The following WDR76 variants were observed in gnomAD, a reference collection of about 807,000 sequenced individuals.
WDR76 encodes the protein WD repeat domain 76.
Under a neutral mutation model 70.2 loss-of-function variants are expected in WDR76, and 52 were observed. The ratio of observed to expected loss-of-function variants is 0.74; its 90% CI spans 0.59 to 0.93. The LOEUF (loss-of-function observed/expected upper bound fraction) is 0.93. Ranked by LOEUF, WDR76 falls within the 40% of genes least tolerant of loss-of-function variation. The pLI is 0.00. For synonymous variants in WDR76, 292 were observed against 271.1 expected (o/e 1.08, Z -0.76); for missense variants, 756 against 760.2 (o/e 0.99, Z 0.07).
chr15:43,852,882 T>G (rs2087879691), intron 9 of WDR76, among the ~76,000 whole-genome samples: 2 of 152,102 alleles, frequency 1.3e-5, no homozygotes, highest in Non-Finnish European at 2.9e-5. Flanking sequence ...TGTGTTTCTA[T>G]TCTTTCTTTA....
intron 8 of WDR76, among the ~76,000 whole-genome samples, chr15:43,848,290 A>G (rs2087813678): frequency 6.6e-6 from 1 of 152,144 alleles, no homozygotes; most frequent in African/African-American, 2.4e-5. Flanking sequence ...GCAGAACCTA[A>G]TGTAGTATAC....
At chr15:43,849,772 G>A (rs1270491402) in intron 8 of WDR76, among the ~76,000 whole-genome samples, 2 of 152,034 alleles carry the variant, frequency 1.3e-5, no homozygotes, top group Non-Finnish European at 2.9e-5. Context: ...TCCTGACCTC[G>A]TGATCCACCC....
At chr15:43,853,226 T>C (rs1185448585) in intron 9 of WDR76, among the ~76,000 whole-genome samples, 1 of 149,800 alleles carries the variant, frequency 6.7e-6, no homozygotes, top group African/African-American at 2.5e-5. Flanking sequence ...GGTCTCACTC[T>C]GTCACTCCAG....
rs1336020019 is a variant in WDR76, at chr15:43,842,328, G to T, written c.733-87G>T. ...TGTTGATGTTGAAAGTGAAGTTGTG[G>T]GGAAAACAGACAAATACCCTTGCCC... On this transcript the variant is annotated intron_variant, in intron 5 of 12. Coordinates refer to ENST00000263795, the MANE Select transcript of WDR76 (RefSeq NM_024908.4). The T allele has an allele frequency of 4.7e-5, 55 of 1,163,702 alleles. 1 individual carries two copies. Among genetic ancestry groups the T allele is most frequent in the East Asian group, 1.9e-4 (8 of 41,928 alleles). The allele number at this position is 1,163,702 out of a possible 1,614,324, so 72.1% of individuals were successfully genotyped here. A position where few individuals can be genotyped will look rare whatever the true frequency, so the allele number is the denominator to read the frequency against.
At chr15:43,844,262 C>A (rs1385119804) in intron 8 of WDR76, among the ~76,000 whole-genome samples, 1 of 152,188 alleles carries the variant, frequency 6.6e-6, no homozygotes, top group Admixed American at 6.6e-5. Context: ...ATATCATTAA[C>A]CATCTGGTCA....
In WDR76 at chr15:43,841,748, T is replaced by C. The variant is rs183572124; in HGVS notation, c.733-667T>C. Reference sequence around the variant, plus strand: ...CAAACTGTTTAAAAAAATACTGATGTAGGTATAATACTGAGTAATGAGTTA... The same window carrying C: ...CAAACTGTTTAAAAAAATACTGATGCAGGTATAATACTGAGTAATGAGTTA... On this transcript the variant is annotated intron_variant, in intron 5 of 12. Transcript: ENST00000263795. 1.6e-3 allele frequency among the ~76,000 whole-genome samples: 250 copies of C among 152,354 alleles called. 1 individual carries two copies. The highest frequency in any genetic ancestry group is 1.6e-3 in the Admixed American group (24 of 15,296).
At chr15:43,841,006 G>A (rs1231873010) in intron 5 of WDR76, among the ~76,000 whole-genome samples, 1 of 150,758 alleles carries the variant, frequency 6.6e-6, no homozygotes, top group African/African-American at 2.4e-5. Flanking sequence ...TACATGTGGT[G>A]CACTTTGGTA....
At chr15:43,838,082 C>G (rs1487996942) in intron 4 of WDR76, among the ~76,000 whole-genome samples, 1 of 152,104 alleles carries the variant, frequency 6.6e-6, no homozygotes, top group African/African-American at 2.4e-5. Context: ...ACCGTGTTAG[C>G]CAGGATGGTC....
At chr15:43,830,496 A>T (rs562538538) in intron 2 of WDR76, among the ~76,000 whole-genome samples, 1 of 141,176 alleles carries the variant, frequency 7.1e-6, no homozygotes, top group African/African-American at 2.6e-5. Flanking sequence ...TGGAAGGTGG[A>T]GGTTGCGGTG....
intron 12 of WDR76, chr15:43,863,864 A>G (rs910596846): frequency 3.3e-5 from 5 of 152,224 alleles, no homozygotes; most frequent in Non-Finnish European, 5.9e-5. Flanking sequence ...CGGCCTTACA[A>G]CTTTGTTATT....
chr15:43,849,012 TA>T lies in WDR76; in HGVS notation c.1033-2070del, dbSNP rs2087823436. Among the ~76,000 whole-genome samples, 3 of 145,558 alleles carry T rather than the reference TA, an allele frequency of 2.1e-5. No individual in the cohort carries two copies. In the South Asian group the frequency reaches 6.5e-4, roughly 32 times the overall value. ...CAACATGGTGAAACCCCGTCTCCAC[TA>T]AAAATACAAAAATTAGCCAAGCATG... On this transcript the variant is annotated intron_variant, in intron 8 of 12. Transcript: ENST00000263795.
chr15:43,847,837 G>A (rs1333585888), intron 8 of WDR76, among the ~76,000 whole-genome samples: 4 of 152,132 alleles, frequency 2.6e-5, no homozygotes, highest in East Asian at 1.9e-4. Flanking sequence ...GATTACAGGC[G>A]TGAGCCACTG....
At chr15:43,844,161 T>A in intron 8 of WDR76, 107 bp downstream of exon 8, 1 of 1,091,432 alleles carries the variant, frequency 9.2e-7, no homozygotes, top group Non-Finnish European at 1.2e-6. Flanking sequence ...AGACTTACAA[T>A]TTTGGGCTTT....
rs554444892 is a variant in WDR76, at chr15:43,835,052, A to AT, written c.463-5dup. The AT allele has an allele frequency of 1.4e-5, 23 of 1,612,356 alleles. No homozygotes were observed. In the African/African-American group the frequency reaches 2.9e-4, roughly 21 times the overall value. Reference sequence around the variant, plus strand: ...AAAGTAATGGAATCTTTTTGGTGTAATTTTATAGGATTTTTCGGGATTGTC... The same window carrying AT: ...AAAGTAATGGAATCTTTTTGGTGTAATTTTTATAGGATTTTTCGGGATTGTC... On this transcript the variant is annotated splice_polypyrimidine_tract_variant and intron_variant, in intron 2 of 12. Coordinates refer to ENST00000263795, the MANE Select transcript of WDR76 (RefSeq NM_024908.4).
chr15:43,827,073 G>T lies in WDR76; in HGVS notation c.41G>T (p.Arg14Ile). The change falls in exon 1 of 13, where the codon AGA becomes ATA. Residue 14 changes from arginine to isoleucine, a missense_variant. Transcript: ENST00000263795. ...SGAAAEKADS[R>I]QRPQMKVNEY... ...GCGGCGGCTGAGAAGGCGGACTCCA[G>T]ACAGCGACCCCAGATGAAGGTGAGA... 6.2e-7 allele frequency: 1 copy of T among 1,614,072 alleles called. No homozygotes were observed. The highest frequency in any genetic ancestry group is 1.1e-5 in the South Asian group (1 of 91,082).
At position 43,827,072 on chromosome 15, in the gene WDR76, A is replaced by C. The variant is rs765668500; in HGVS notation, c.40A>C (p.Arg14=). The C allele has an allele frequency of 9.3e-6, 15 of 1,614,096 alleles. No homozygotes were observed. Among genetic ancestry groups the C allele is most frequent in the Non-Finnish European group, 1.3e-5 (15 of 1,180,032 alleles). Residue 14 remains arginine, a synonymous_variant, in exon 1 of 13, where the codon AGA becomes CGA. Transcript: ENST00000263795. ...SGAAAEKADS[R]QRPQMKVNEY... ...CGCGGCGGCTGAGAAGGCGGACTCC[A>C]GACAGCGACCCCAGATGAAGGTGAG... is the stretch of plus-strand genomic sequence containing the variant.
intron 4 of WDR76, among the ~76,000 whole-genome samples, chr15:43,837,889 T>C (rs1341493708): frequency 1.3e-5 from 2 of 150,872 alleles, no homozygotes; most frequent in African/African-American, 4.9e-5. Context: ...TTTTTTTTTT[T>C]TTTTGAGATG....
In WDR76 at chr15:43,861,369, G is replaced by A. The variant is rs1172907868; in HGVS notation, c.1599G>A (p.Pro533=). The change falls in exon 12 of 13, where the codon CCG becomes CCA. Residue 533 remains proline, a synonymous_variant. Coordinates refer to ENST00000263795, the MANE Select transcript of WDR76 (RefSeq NM_024908.4). ...GCAGCTGTATATCTTCTAAGATTCC[G>A]CTCCTCACCACCATCAGGTAGGCTT... ...FDSSCISSKI[P]LLTTIRHNTF... is the part of the protein sequence containing the mutation. The A allele has an allele frequency of 3.7e-5, 59 of 1,613,682 alleles. No individual in the cohort carries two copies. Among genetic ancestry groups the A allele is most frequent in the Non-Finnish European group, 4.7e-5 (55 of 1,179,868 alleles).
rs1365627759 is a variant in WDR76, at chr15:43,836,165, C to T, written c.557C>T (p.Ala186Val). 1 of 1,607,092 alleles carries T rather than the reference C, an allele frequency of 6.2e-7. No individual in the cohort carries two copies. The highest frequency in any genetic ancestry group is 1.1e-5 in the South Asian group (1 of 89,124). The change falls in exon 4 of 13, where the codon GCT becomes GTT. Residue 186 changes from alanine (A) to valine (V), a missense_variant. By Grantham distance (64) the Ala-to-Val change is moderately conservative. Transcript: ENST00000263795. ...FFASLQLSES[A>V]ARLREMIEKR... ...CATGATTTTTATACTTTACAGTCTG[C>T]TGCAAGACTCCGTGAAATGATAGAG...
Sources: allele counts gnomAD v4.1 joint callset (sites outside exome capture counted in the v4.1 genomes callset), GRCh38; gene constraint gnomAD v4.1.1; transcripts MANE v1.5; gene names NCBI Gene and HGNC (gene_info 2026-07-23, HGNC 2026-07-21).